The following MCF2L2 variants were observed in gnomAD, a reference collection of about 807,000 sequenced individuals.
The protein encoded by MCF2L2 is MCF.2 cell line derived transforming sequence-like 2.
Under a neutral mutation model 150.2 loss-of-function variants are expected in MCF2L2, and 102 were observed. That is an observed-to-expected ratio of 0.68 (90% CI 0.58 to 0.80). The LOEUF (loss-of-function observed/expected upper bound fraction) is 0.80, where lower values mean the gene tolerates loss of function less well. MCF2L2 is among the 30% of genes least tolerant of loss of function. The pLI is 0.00. For synonymous variants in MCF2L2, 465 were observed against 491.3 expected (o/e 0.95, Z 0.71); for missense variants, 1,256 against 1,372.8 (o/e 0.91, Z 1.34).
chr3:183,270,863 A>T lies in MCF2L2; in HGVS notation c.1862+6009T>A. 1 of 1,612,008 alleles carries T rather than the reference A, an allele frequency of 6.2e-7. No individual in the cohort carries two copies. Among genetic ancestry groups the T allele is most frequent in the Non-Finnish European group, 8.5e-7 (1 of 1,179,410 alleles). On this transcript the variant is annotated intron_variant, in intron 15 of 29. Coordinates refer to ENST00000328913, the MANE Select transcript of MCF2L2 (RefSeq NM_015078.4). This position sits in a 1 kb window ranked among gnomAD's most constrained non-coding sequence, Gnocchi z 4.5. ...GTTTTTTTGGTCAAATATACTGCAG[A>T]TTAATGAAGATAATTCTCCTTTGTA... is the stretch of plus-strand genomic sequence containing the variant.
Position 183,192,435 on chromosome 3 carries a change from G to T in MCF2L2, c.3016+564C>A, listed in dbSNP as rs144419390. Among the ~76,000 whole-genome samples, 874 of 152,316 alleles carry T rather than the reference G, an allele frequency of 5.7e-3. 5 individuals are homozygous for T. Among genetic ancestry groups the T allele is most frequent in the South Asian group, 0.021 (101 of 4,828 alleles). ...ATTATAGGCGTGAGCCACCGTGCTT[G>T]GCCTTGGGGCCATTATTAAGTAAAA... On this transcript the variant is annotated intron_variant, in intron 27 of 29. Transcript: ENST00000328913.
chr3:183,246,546 T>G (rs1200632298), intron 15 of MCF2L2, among the ~76,000 whole-genome samples: 3 of 152,226 alleles, frequency 2.0e-5, no homozygotes, highest in Non-Finnish European at 4.4e-5. Context: ...CTGAATATCT[T>G]CCATTTTATG....
chr3:183,342,916 C>A (rs559758609), intron 3 of MCF2L2, among the ~76,000 whole-genome samples: 1 of 152,198 alleles, frequency 6.6e-6, no homozygotes, highest in Admixed American at 6.5e-5. Context: ...AAGGTCTAAG[C>A]AAAACCTGCA....
At chr3:183,324,822 TA>T (rs1050801289) in intron 5 of MCF2L2, among the ~76,000 whole-genome samples, 1 of 151,624 alleles carries the variant, frequency 6.6e-6, no homozygotes, top group Non-Finnish European at 1.5e-5. Context: ...ATTGAACTAC[TA>T]AAAAAAAGTG....
At position 183,297,323 on chromosome 3, in the gene MCF2L2, T is replaced by A. The variant is rs1015508737; in HGVS notation, c.1306-156A>T. The A allele has an allele frequency of 1.2e-5, 8 of 642,028 alleles. No homozygotes were observed. In the African/African-American group the frequency reaches 1.3e-4, roughly 10 times the overall value. The allele number at this position is 642,028 out of a possible 1,614,324, so 39.8% of individuals were successfully genotyped here. On this transcript the variant is annotated intron_variant, in intron 11 of 29. Transcript: ENST00000328913. ...CATCGAGTTTAAGGGGTCTAACCACTGTAAATTACACTATGAGGGGGACAA... is the reference window on the plus strand; with the variant it reads ...CATCGAGTTTAAGGGGTCTAACCACAGTAAATTACACTATGAGGGGGACAA...
chr3:183,204,841 GA>G (rs369869738), intron 25 of MCF2L2, among the ~76,000 whole-genome samples: 75 of 152,246 alleles, frequency 4.9e-4, no homozygotes, highest in East Asian at 3.9e-3. Flanking sequence ...ATGAAGTACT[GA>G]TAGATACTAC....
chr3:183,341,712 A>G, intron 3 of MCF2L2, 82 bp from the exon 4 acceptor site: 1 of 905,094 alleles, frequency 1.1e-6, no homozygotes, highest in Non-Finnish European at 1.9e-6. Context: ...TACACCCTGA[A>G]GCCTCCACAG....
At chr3:183,373,136 T>C (rs1351337248) in intron 3 of MCF2L2, 2 of 152,228 alleles carry the variant, frequency 1.3e-5, no homozygotes, top group Non-Finnish European at 1.5e-5. Context: ...TATTGTGCTA[T>C]TGTTATAAGC....
chr3:183,356,834 C>T (rs1711814786), intron 3 of MCF2L2, among the ~76,000 whole-genome samples: 1 of 152,074 alleles, frequency 6.6e-6, no homozygotes, highest in African/African-American at 2.4e-5. Flanking sequence ...AAAACAACTA[C>T]AAAAAAGTTT....
intron 23 of MCF2L2, among the ~76,000 whole-genome samples, chr3:183,206,531 G>A (rs892408046): frequency 1.1e-4 from 16 of 152,116 alleles, no homozygotes; most frequent in East Asian, 1.9e-4. Context: ...AACTTTCTAC[G>A]TAATAGTAAC....
At chr3:183,417,448 T>G (rs1050221581) in intron 1 of MCF2L2, among the ~76,000 whole-genome samples, 2 of 151,886 alleles carry the variant, frequency 1.3e-5, no homozygotes, top group Admixed American at 1.3e-4. Flanking sequence ...TTGTTTAACA[T>G]AATTGCTTTT....
In MCF2L2 at chr3:183,390,663, G is replaced by A. The variant is rs369707089; in HGVS notation, c.77-884C>T. Among the ~76,000 whole-genome samples the A allele has an allele frequency of 1.4e-4, 21 of 152,308 alleles. No homozygotes were observed. The East Asian group carries it at 2.1e-3, about 15-fold the overall frequency. Reference sequence around the variant, plus strand: ...AAACTGGTGGCTGGGTACTGAGGCCGAGGGGGAAGGACTATTTGAGGCCAG... The same window carrying A: ...AAACTGGTGGCTGGGTACTGAGGCCAAGGGGGAAGGACTATTTGAGGCCAG... On this transcript the variant is annotated intron_variant, in intron 1 of 29. Coordinates refer to ENST00000328913, the MANE Select transcript of MCF2L2 (RefSeq NM_015078.4).
chr3:183,426,979 C>T lies in MCF2L2; in HGVS notation c.76+923G>A, dbSNP rs959616925. On this transcript the variant is annotated intron_variant, in intron 1 of 29. Coordinates refer to ENST00000328913, the MANE Select transcript of MCF2L2 (RefSeq NM_015078.4). ...TAACATGCAAGTACCAAGAAAGCAG[C>T]TTTCACAAATGTGTAGAAAACCAAG... Among the ~76,000 whole-genome samples, 3 of 152,218 alleles carry T rather than the reference C, an allele frequency of 2.0e-5. No individual in the cohort carries two copies. The East Asian group carries it at 5.8e-4, about 29-fold the overall frequency.
chr3:183,253,604 C>G (rs13313978), intron 15 of MCF2L2: 19,600 of 152,318 alleles, frequency 0.13, 2,722 homozygotes, highest in African/African-American at 0.35. Flanking sequence ...CAGAGCTCCA[C>G]GCATAAGTGG....
At chr3:183,316,332 T>TTTTTG (rs138800644) in intron 7 of MCF2L2, among the ~76,000 whole-genome samples, 29,491 of 150,752 alleles carry the variant, frequency 0.2, 3,848 homozygotes, top group African/African-American at 0.37. Context: ...TTTTGGTGTT[T>TTTTTG]TTTTGTTTTG....
At chr3:183,390,270 T>C (rs746325114) in intron 1 of MCF2L2, among the ~76,000 whole-genome samples, 13 of 152,132 alleles carry the variant, frequency 8.5e-5, no homozygotes, top group Admixed American at 2.0e-4. Flanking sequence ...CCCCTACTTA[T>C]CTCCATTCCT....
chr3:183,326,365 G>T (rs1730027143), intron 5 of MCF2L2, among the ~76,000 whole-genome samples: 3 of 151,698 alleles, frequency 2.0e-5, no homozygotes. Flanking sequence ...GGTGGTGGGT[G>T]CCTGTAATCC....
intron 14 of MCF2L2, among the ~76,000 whole-genome samples, chr3:183,278,777 G>A (rs1464575): frequency 0.026 from 3,926 of 152,270 alleles, 176 homozygotes; most frequent in African/African-American, 0.087. Flanking sequence ...ATAACCTAGT[G>A]ATGGAAAAAT....
At chr3:183,290,693 G>A (rs115462821) in intron 13 of MCF2L2, among the ~76,000 whole-genome samples, 15 of 151,894 alleles carry the variant, frequency 9.9e-5, no homozygotes, top group Admixed American at 2.0e-4. Flanking sequence ...ACCACCATAC[G>A]CAGCTAATTT....
Sources: allele counts gnomAD v4.1 joint callset (sites outside exome capture counted in the v4.1 genomes callset), GRCh38; gene constraint gnomAD v4.1.1; non-coding constraint Gnocchi (gnomAD v3.1); transcripts MANE v1.5; gene names NCBI Gene and HGNC (gene_info 2026-07-23, HGNC 2026-07-21).